The following VOPP1 variants were observed in gnomAD, a reference collection of about 807,000 sequenced individuals.
VOPP1 encodes the protein VOPP1 WW domain binding protein, also known as WW domain binding protein VOPP1.
In VOPP1, 8 loss-of-function variants were observed where a neutral mutation model predicts 23.5. The ratio of observed to expected loss-of-function variants is 0.34; its 90% CI spans 0.20 to 0.61. The LOEUF (loss-of-function observed/expected upper bound fraction) is 0.61. VOPP1 is among the 20% of genes least tolerant of loss of function. The pLI is 0.78. For synonymous variants in VOPP1, 83 were observed against 97.3 expected, an observed-to-expected ratio of 0.85 and a Z score of 0.86; for missense variants, 174 against 238.1, an observed-to-expected ratio of 0.73 and a Z score of 1.77.
At chr7:55,449,299 C>T (rs756012880) in intron 4 of VOPP1, among the ~76,000 whole-genome samples, 1 of 152,170 alleles carries the variant, frequency 6.6e-6, no homozygotes, top group Non-Finnish European at 1.5e-5. Context: ...GACCGGGACG[C>T]CGGCCTTCCG....
At chr7:55,493,986 G>A (rs1480273360) in intron 3 of VOPP1, among the ~76,000 whole-genome samples, 1 of 152,166 alleles carries the variant, frequency 6.6e-6, no homozygotes, top group African/African-American at 2.4e-5. Context: ...TGAAGAATGA[G>A]AAGAGACAAG....
intron 1 of VOPP1, among the ~76,000 whole-genome samples, chr7:55,526,335 T>C (rs1212852038): frequency 1.3e-5 from 2 of 152,212 alleles, no homozygotes; most frequent in Non-Finnish European, 2.9e-5. Context: ...ATCCCAAATA[T>C]AGTTATCCCT....
chr7:55,522,611 C>T (rs758198622), intron 1 of VOPP1, among the ~76,000 whole-genome samples: 1 of 152,198 alleles, frequency 6.6e-6, no homozygotes, highest in Non-Finnish European at 1.5e-5. Context: ...TCACCGCCAC[C>T]GACAGCCAAA....
intron 1 of VOPP1, among the ~76,000 whole-genome samples, chr7:55,552,065 G>T: frequency 6.6e-6 from 1 of 151,314 alleles, no homozygotes; most frequent in Admixed American, 6.6e-5. Flanking sequence ...ACAAGGTGTG[G>T]AGGTGGAGGG....
chr7:55,487,911 C>T (rs1793263960), intron 4 of VOPP1, among the ~76,000 whole-genome samples: 1 of 152,194 alleles, frequency 6.6e-6, no homozygotes, highest in Non-Finnish European at 1.5e-5. Flanking sequence ...GCTGCCTCAG[C>T]CTAGGCTTTT....
intron 1 of VOPP1, chr7:55,537,517 G>A (rs958732583): frequency 2.2e-5 from 34 of 1,535,988 alleles, no homozygotes; most frequent in African/African-American, 9.6e-5. Context: ...ATGTGAGCCC[G>A]TCCTTCGCAT....
intron 4 of VOPP1, among the ~76,000 whole-genome samples, chr7:55,448,465 T>C (rs1479819390): frequency 1.3e-5 from 2 of 152,192 alleles, no homozygotes; most frequent in Non-Finnish European, 2.9e-5. Flanking sequence ...GTTATTGTAT[T>C]TGGTCTGCAT....
intron 4 of VOPP1, among the ~76,000 whole-genome samples, chr7:55,459,843 ATTGTTT>A (rs1190403550): frequency 6.7e-6 from 1 of 148,416 alleles, no homozygotes; most frequent in Non-Finnish European, 1.5e-5. Context: ...GATCCTTTGT[ATTGTTT>A]TTTAGTCTCT....
intron 4 of VOPP1, among the ~76,000 whole-genome samples, chr7:55,461,386 A>AT (rs1187596822): frequency 6.6e-6 from 1 of 151,986 alleles, no homozygotes; most frequent in African/African-American, 2.4e-5. Flanking sequence ...ACCTACAGAA[A>AT]TTTAAAAAAA....
Position 55,443,532 on chromosome 7 carries a change from C to T in VOPP1, n.418-7358G>A, listed in dbSNP as rs547084157. On this transcript the variant is annotated intron_variant and non_coding_transcript_variant, in intron 4 of 4. Transcript: ENST00000462326. ...TCACGCCACTGCGCTCCAGCCTGGGCAACAGAGAGAGACTCTGTCTCAAAA... is the reference window on the plus strand; with the variant it reads ...TCACGCCACTGCGCTCCAGCCTGGGTAACAGAGAGAGACTCTGTCTCAAAA... Among the ~76,000 whole-genome samples, 3 of 151,962 alleles carry T rather than the reference C, an allele frequency of 2.0e-5. No homozygotes were observed. The East Asian group carries it at 5.8e-4, about 30-fold the overall frequency.
chr7:55,470,552 C>T (rs981769616), downstream of VOPP1: 2 of 152,210 alleles, frequency 1.3e-5, no homozygotes, highest in African/African-American at 4.8e-5. Context: ...TACACCCTTC[C>T]TCATTAGAAA....
intron 1 of VOPP1, chr7:55,561,794 A>G: frequency 2.8e-5 from 16 of 571,176 alleles, no homozygotes; most frequent in Non-Finnish European, 5.0e-5. Flanking sequence ...CTGAGCTCAG[A>G]GCACGTGGGA....
intron 4 of VOPP1, among the ~76,000 whole-genome samples, chr7:55,488,316 C>T (rs1275600989): frequency 2.0e-5 from 3 of 152,192 alleles, no homozygotes; most frequent in South Asian, 2.1e-4. Context: ...TGACCAGGGC[C>T]TCTTCCTCAA....
At chr7:55,442,973 G>A (rs1217737578) in intron 4 of VOPP1, among the ~76,000 whole-genome samples, 1 of 151,952 alleles carries the variant, frequency 6.6e-6, no homozygotes, top group Non-Finnish European at 1.5e-5. Context: ...CAAAAAATTA[G>A]CCAGGCGTGG....
intron 1 of VOPP1, chr7:55,526,868 T>C (rs1042652198): frequency 6.6e-6 from 1 of 152,232 alleles, no homozygotes; most frequent in Non-Finnish European, 1.5e-5. Flanking sequence ...AAGGACTCCA[T>C]CTTTTTCAAA....
chr7:55,527,472 C>T (rs1226805901), intron 1 of VOPP1, among the ~76,000 whole-genome samples: 1 of 152,216 alleles, frequency 6.6e-6, no homozygotes, highest in Non-Finnish European at 1.5e-5. Context: ...TCCGGGGATG[C>T]AGGCTGTAAA....
At chr7:55,466,251 C>T (rs1474460399), downstream of VOPP1, among the ~76,000 whole-genome samples, 1 of 152,172 alleles carries the variant, frequency 6.6e-6, no homozygotes, top group Non-Finnish European at 1.5e-5. Flanking sequence ...TTATAGCAGC[C>T]TGAACACATT....
chr7:55,538,256 A>G (rs1037992341), intron 1 of VOPP1, among the ~76,000 whole-genome samples: 1 of 152,228 alleles, frequency 6.6e-6, no homozygotes, highest in Admixed American at 6.5e-5. Flanking sequence ...TCCCTTATGC[A>G]GTCCGCACTT....
intron 1 of VOPP1, among the ~76,000 whole-genome samples, chr7:55,548,472 G>C (rs746598512): frequency 6.6e-6 from 1 of 152,194 alleles, no homozygotes; most frequent in Non-Finnish European, 1.5e-5. Context: ...TCTCACATTA[G>C]AGCTGGGATG....
Sources: gnomAD v4.1 joint callset for allele counts (sites outside exome capture counted in the v4.1 genomes callset) on GRCh38, gnomAD v4.1.1 for gene constraint, MANE v1.5 for transcripts, NCBI Gene and HGNC (gene_info 2026-07-23, HGNC 2026-07-21) for gene names.